DHRSX: variants seen among roughly 807,000 people sequenced by gnomAD.
DHRSX encodes the protein polyprenol dehydrogenase.
Under a neutral mutation model 34.0 loss-of-function variants are expected in DHRSX, and 31 were observed. The observed-to-expected ratio is 0.91, with a 90% CI of 0.69 to 1.23. DHRSX has a LOEUF of 1.23. DHRSX is among the 50% of genes most tolerant of loss of function. DHRSX has a pLI of 0.00. For synonymous variants in DHRSX, 201 were observed against 183.8 expected (o/e 1.09, Z -0.76); for missense variants, 414 against 428.1 (o/e 0.97, Z 0.29).
At chrX:2,295,031 T>C (rs764689545) in intron 3 of DHRSX, among the ~76,000 whole-genome samples, 1 of 152,266 alleles carries the variant, frequency 6.6e-6, no homozygotes, top group African/African-American at 2.4e-5. Flanking sequence ...TCCTCAAGGA[T>C]CTAGAACCAG....
chrX:2,312,128 T>A (rs62593067), intron 3 of DHRSX, among the ~76,000 whole-genome samples: 1 of 151,902 alleles, frequency 6.6e-6, no homozygotes, highest in African/African-American at 2.4e-5. Context: ...AACTGAGACC[T>A]GGCAGGGACC....
chrX:2,435,131 A>G (rs2043976740), intron 1 of DHRSX, among the ~76,000 whole-genome samples: 1 of 151,812 alleles, frequency 6.6e-6, no homozygotes, highest in Non-Finnish European at 1.5e-5. Context: ...TCAGGGGTTC[A>G]GGACGGGAGA....
chrX:2,456,159 A>G (rs1213867342), intron 1 of DHRSX, among the ~76,000 whole-genome samples: 1 of 152,170 alleles, frequency 6.6e-6, no homozygotes, highest in Non-Finnish European at 1.5e-5. Context: ...CAGAAACAAG[A>G]GACACGACTG....
chrX:2,407,039 C>A (rs4892914), intron 3 of DHRSX, among the ~76,000 whole-genome samples: 1 of 152,026 alleles, frequency 6.6e-6, no homozygotes, highest in South Asian at 2.1e-4. Context: ...CACACGAAAG[C>A]ATAAAGAAAA....
intron 3 of DHRSX, among the ~76,000 whole-genome samples, chrX:2,296,548 C>T (rs1363320068): frequency 9.8e-6 from 1 of 102,318 alleles, no homozygotes; most frequent in Admixed American, 1.0e-4. Context: ...GCAGATAGAC[C>T]CCAGGCAGAT....
intron 1 of DHRSX, among the ~76,000 whole-genome samples, chrX:2,435,076 G>A (rs1034609648): frequency 7.7e-6 from 1 of 130,032 alleles, no homozygotes; most frequent in African/African-American, 3.3e-5. Context: ...GGAGGTTGAG[G>A]TAGGATGCAG....
intron 3 of DHRSX, among the ~76,000 whole-genome samples, chrX:2,327,692 T>C (rs2124542351): frequency 6.6e-6 from 1 of 152,236 alleles, no homozygotes; most frequent in East Asian, 1.9e-4. Flanking sequence ...CCTCAGAATG[T>C]CACCATATTT....
chrX:2,412,413 G>C (rs531072008), intron 2 of DHRSX, among the ~76,000 whole-genome samples: 11 of 152,070 alleles, frequency 7.2e-5, no homozygotes, highest in Non-Finnish European at 1.2e-4. Flanking sequence ...GGAAGTGAAC[G>C]TGCTTGGACA....
intron 1 of DHRSX, among the ~76,000 whole-genome samples, chrX:2,445,602 G>T (rs2044120705): frequency 6.6e-6 from 1 of 151,770 alleles, no homozygotes; most frequent in Admixed American, 6.6e-5. Context: ...AGGGACCGCT[G>T]CCCTGTACAC....
intron 4 of DHRSX, among the ~76,000 whole-genome samples, chrX:2,277,081 G>A (rs1390658984): frequency 1.1e-5 from 1 of 89,472 alleles, no homozygotes; most frequent in Admixed American, 1.0e-4. Flanking sequence ...AAGAGAGAAA[G>A]AGAGATGGAG....
intron 3 of DHRSX, among the ~76,000 whole-genome samples, chrX:2,397,636 AT>A (rs34688111): frequency 0.77 from 116,213 of 150,278 alleles, 45,807 homozygotes; most frequent in African/African-American, 0.94. Context: ...TGACAGAGAC[AT>A]TTTTTTTTTC....
Position 2,419,824 on chromosome X carries a change from G to T in DHRSX, c.217+5373C>A, listed in dbSNP as rs1359351872. Among the ~76,000 whole-genome samples, 4 of 129,146 alleles carry T rather than the reference G, an allele frequency of 3.1e-5. No homozygotes were observed. The South Asian group carries it at 9.3e-4, about 30-fold the overall frequency. 84.7% of individuals were successfully genotyped at this position (129,146 alleles called of 152,430 possible). On this transcript the variant is annotated intron_variant, in intron 2 of 6. Transcript: ENST00000334651. Reference sequence around the variant, plus strand: ...CACACACCGGGGACTGTTGTGGGGTGGGGGGAGGGGGGAGGGATAGCATTA... The same window carrying T: ...CACACACCGGGGACTGTTGTGGGGTTGGGGGAGGGGGGAGGGATAGCATTA...
At chrX:2,448,528 T>G (rs1486003893) in intron 1 of DHRSX, among the ~76,000 whole-genome samples, 1 of 148,820 alleles carries the variant, frequency 6.7e-6, no homozygotes, top group Non-Finnish European at 1.5e-5. Flanking sequence ...TATGTGAATA[T>G]GTTAATTAGC....
intron 1 of DHRSX, among the ~76,000 whole-genome samples, chrX:2,479,660 T>C (rs1049787838): frequency 1.3e-5 from 2 of 148,928 alleles, no homozygotes; most frequent in African/African-American, 5.0e-5. Context: ...TCGCTAAGCA[T>C]GTGGCTAAGG....
intron 3 of DHRSX, among the ~76,000 whole-genome samples, chrX:2,348,290 C>G (rs1250884441): frequency 6.6e-6 from 1 of 152,158 alleles, no homozygotes; most frequent in Non-Finnish European, 1.5e-5. Context: ...AAAGTGATCA[C>G]TAAGCTTGGT....
At chrX:2,409,097 T>A (rs2043594985) in intron 2 of DHRSX, among the ~76,000 whole-genome samples, 1 of 152,168 alleles carries the variant, frequency 6.6e-6, no homozygotes, top group South Asian at 2.1e-4. Flanking sequence ...GCTGGTGTAA[T>A]TTGCACGTGA....
intron 4 of DHRSX, among the ~76,000 whole-genome samples, chrX:2,288,460 C>A (rs937863217): frequency 1.3e-5 from 2 of 152,202 alleles, no homozygotes; most frequent in African/African-American, 2.4e-5. Flanking sequence ...GTCTCGAACT[C>A]CTGACCTCAC....
intron 1 of DHRSX, among the ~76,000 whole-genome samples, chrX:2,457,392 C>T (rs185131651): frequency 0.085 from 12,836 of 151,416 alleles, 717 homozygotes; most frequent in East Asian, 0.2. Flanking sequence ...AAGTATGTGG[C>T]GCAAGGGACC....
chrX:2,323,457 A>T (rs995633092), intron 3 of DHRSX, among the ~76,000 whole-genome samples: 1 of 152,076 alleles, frequency 6.6e-6, no homozygotes, highest in African/African-American at 2.4e-5. Flanking sequence ...CATCACTATG[A>T]ACCCCAGAAT....
Sources: gnomAD v4.1 joint callset for allele counts (sites outside exome capture counted in the v4.1 genomes callset) on GRCh38, gnomAD v4.1.1 for gene constraint, MANE v1.5 for transcripts, NCBI Gene and HGNC (gene_info 2026-07-23, HGNC 2026-07-21) for gene names.